TMEM132B: variants seen among roughly 807,000 people sequenced by gnomAD.
TMEM132B encodes transmembrane protein 132B.
TMEM132B carries 18 observed loss-of-function variants against 90.8 expected under a neutral mutation model. That is an observed-to-expected ratio of 0.20 (90% CI 0.14 to 0.29). The LOEUF is 0.29. Ranked by LOEUF, TMEM132B falls within the 10% of genes least tolerant of loss-of-function variation. The pLI, the probability that TMEM132B is intolerant of heterozygous loss-of-function variation, is 1.00. For synonymous variants in TMEM132B, 504 were observed against 523.3 expected, an observed-to-expected ratio of 0.96 and a Z score of 0.50; for missense variants, 1,096 against 1,326.8, an observed-to-expected ratio of 0.83 and a Z score of 2.70.
intron 3 of TMEM132B, among the ~76,000 whole-genome samples, chr12:125,511,077 A>C (rs1309716106): frequency 6.6e-6 from 1 of 152,178 alleles, no homozygotes; most frequent in East Asian, 1.9e-4. Flanking sequence ...CACTTACCCC[A>C]GTCCTTGGCA....
intron 3 of TMEM132B, among the ~76,000 whole-genome samples, chr12:125,486,754 C>A (rs942084991): frequency 6.6e-6 from 1 of 152,146 alleles, no homozygotes; most frequent in Admixed American, 6.5e-5. Flanking sequence ...AGGAGACAAA[C>A]GTGTATGATT....
chr12:125,299,028 C>T (rs932375637), intron 1 of TMEM132B, among the ~76,000 whole-genome samples: 61 of 152,240 alleles, frequency 4.0e-4, no homozygotes, highest in African/African-American at 1.3e-3. Context: ...CCACCACGCC[C>T]GGCCCATCAC....
intron 3 of TMEM132B, among the ~76,000 whole-genome samples, chr12:125,438,806 A>G (rs1171882595): frequency 6.6e-6 from 1 of 152,108 alleles, no homozygotes. Flanking sequence ...CTTTATATGA[A>G]TGGCATTGTG....
intron 1 of TMEM132B, among the ~76,000 whole-genome samples, chr12:125,271,162 A>T (rs11058110): frequency 0.16 from 24,188 of 151,722 alleles, 2,460 homozygotes; most frequent in African/African-American, 0.29. Context: ...AGAGAAGGAG[A>T]CTCACTATGT....
chr12:125,287,592 C>T (rs1321991478), intron 1 of TMEM132B, among the ~76,000 whole-genome samples: 3 of 152,124 alleles, frequency 2.0e-5, no homozygotes, highest in African/African-American at 7.2e-5. Context: ...GACATTTAAA[C>T]AGAAAATGCA....
chr12:125,563,069 A>G (rs1437151152), intron 4 of TMEM132B, among the ~76,000 whole-genome samples: 3 of 151,824 alleles, frequency 2.0e-5, no homozygotes, highest in Non-Finnish European at 4.4e-5. Flanking sequence ...TGCATCTCAC[A>G]TAGGCATCGT....
At position 125,415,004 on chromosome 12, in the gene TMEM132B, A is replaced by T. The variant is rs973596786; in HGVS notation, c.960-527A>T. The stretch of plus-strand genomic sequence containing the variant: ...GTACCAGGCAGCATCTGGCCCCGTT[A>T]TCCTGCCTGAATGCCACATTTGTTC... On this transcript the variant is annotated intron_variant, in intron 2 of 8. Transcript: ENST00000682704. The surrounding 1 kb of genome is among the most constrained non-coding windows in gnomAD (Gnocchi z 5.3). 2.0e-5 allele frequency among the ~76,000 whole-genome samples: 3 copies of T among 152,222 alleles called. No individual in the cohort carries two copies. Among genetic ancestry groups the T allele is most frequent in the African/African-American group, 7.2e-5 (3 of 41,538 alleles).
chr12:125,624,979 C>T (rs1226646247), intron 5 of TMEM132B, among the ~76,000 whole-genome samples: 2 of 152,104 alleles, frequency 1.3e-5, no homozygotes, highest in African/African-American at 4.8e-5. Context: ...TTCTGTCGCA[C>T]CCTCACCAAA....
At chr12:125,261,780 G>A (rs1874573588) in intron 1 of TMEM132B, among the ~76,000 whole-genome samples, 1 of 152,158 alleles carries the variant, frequency 6.6e-6, no homozygotes, top group South Asian at 2.1e-4. Flanking sequence ...CTGGACACTG[G>A]CATTTGCTTC....
intron 1 of TMEM132B, among the ~76,000 whole-genome samples, chr12:125,334,161 C>T (rs1218599042): frequency 2.0e-5 from 3 of 151,954 alleles, no homozygotes; most frequent in Non-Finnish European, 4.4e-5. Flanking sequence ...TGAATTTTAC[C>T]ATTTATCTTT....
rs985269021 is a variant in TMEM132B at position 125,460,236 on chromosome 12, A to G, written c.1106+44559A>G. ...CAGGGCACGGTGGCTCACGCCTGTAATCCCAGCACTTTGGGAGGCCGAGGT... is the reference window on the plus strand; with the variant it reads ...CAGGGCACGGTGGCTCACGCCTGTAGTCCCAGCACTTTGGGAGGCCGAGGT... On this transcript the variant is annotated intron_variant, in intron 3 of 8. Transcript: ENST00000682704. This position sits in a 1 kb window ranked among gnomAD's most constrained non-coding sequence, Gnocchi z 4.4. Among the ~76,000 whole-genome samples the G allele has an allele frequency of 6.6e-6, 1 of 152,206 alleles. No individual in the cohort carries two copies. Among genetic ancestry groups the G allele is most frequent in the Non-Finnish European group, 1.5e-5 (1 of 68,036 alleles).
intron 3 of TMEM132B, among the ~76,000 whole-genome samples, chr12:125,488,285 G>C (rs1882251873): frequency 6.6e-6 from 1 of 152,030 alleles, no homozygotes; most frequent in Admixed American, 6.6e-5. Flanking sequence ...AAAAGAAATG[G>C]GTCATAAAGT....
chr12:125,379,190 G>C (rs1878585028), intron 2 of TMEM132B, among the ~76,000 whole-genome samples: 1 of 152,220 alleles, frequency 6.6e-6, no homozygotes, highest in Admixed American at 6.5e-5. Context: ...CTGTGAATAT[G>C]TTATGTTACA....
intron 2 of TMEM132B, among the ~76,000 whole-genome samples, chr12:125,380,500 G>A (rs1205414792): frequency 1.3e-5 from 2 of 152,164 alleles, no homozygotes; most frequent in African/African-American, 4.8e-5. Context: ...TCCAGCCTCA[G>A]ATGAATCACC....
chr12:125,189,293 C>A (rs115424972), intron 1 of TMEM132B, among the ~76,000 whole-genome samples: 3,397 of 152,050 alleles, frequency 0.022, 128 homozygotes, highest in African/African-American at 0.077. Flanking sequence ...TGCAAATTAG[C>A]GGTGCAGTTA....
At chr12:125,313,877 A>G (rs1876184077) in intron 1 of TMEM132B, among the ~76,000 whole-genome samples, 1 of 150,926 alleles carries the variant, frequency 6.6e-6, no homozygotes, top group Non-Finnish European at 1.5e-5. Flanking sequence ...TTCATTTTGC[A>G]CCGGGCCCCG....
chr12:125,503,605 G>T (rs974344261), intron 3 of TMEM132B, among the ~76,000 whole-genome samples: 1 of 152,214 alleles, frequency 6.6e-6, no homozygotes, highest in Non-Finnish European at 1.5e-5. Flanking sequence ...GTGTGAACTC[G>T]ATGTCCCTTT....
chr12:125,296,413 C>T (rs573551284), intron 1 of TMEM132B, among the ~76,000 whole-genome samples: 14 of 152,180 alleles, frequency 9.2e-5, no homozygotes, highest in Non-Finnish European at 1.9e-4. Context: ...CCCAGGATGG[C>T]CTTCCGGGAC....
At chr12:125,273,665 TC>T (rs1308751244) in intron 1 of TMEM132B, among the ~76,000 whole-genome samples, 2 of 152,144 alleles carry the variant, frequency 1.3e-5, no homozygotes, top group Non-Finnish European at 2.9e-5. Flanking sequence ...TATCTCGATT[TC>T]CCCTGACATC....
Sources: allele counts gnomAD v4.1 joint callset (sites outside exome capture counted in the v4.1 genomes callset), GRCh38; gene constraint gnomAD v4.1.1; non-coding constraint Gnocchi (gnomAD v3.1); transcripts MANE v1.5; gene names NCBI Gene and HGNC (gene_info 2026-07-23, HGNC 2026-07-21).